DYNC1I1: variants seen among roughly 807,000 people sequenced by gnomAD.
DYNC1I1 encodes the protein cytoplasmic dynein 1 intermediate chain 1.
DYNC1I1 carries 43 observed loss-of-function variants against 86.6 expected under a neutral mutation model. That is an observed-to-expected ratio of 0.50 (90% confidence interval 0.39 to 0.64). The LOEUF is 0.64. DYNC1I1 is among the 30% of genes least tolerant of loss of function. The probability of loss-of-function intolerance (pLI) is 0.00; values close to 1 mark genes in which losing one functional copy is unlikely to be tolerated. For synonymous variants in DYNC1I1, 262 were observed against 283.7 expected, an observed-to-expected ratio of 0.92 and a Z score of 0.77; for missense variants, 604 against 788.8, an observed-to-expected ratio of 0.77 and a Z score of 2.81.
rs1794872134 is a variant in DYNC1I1 at position 95,813,307 on chromosome 7, A to G, written c.284A>G (p.Gln95Arg). Residue 95 changes from glutamine to arginine, a missense_variant, in exon 4 of 17, where the codon CAA (glutamine) becomes CGA (arginine). Gln to Arg is a conservative substitution (Grantham distance 43). Transcript: ENST00000447467. ...AGCACTCCCAGTGAAGCTGGAAGCC[A>G]AGACTCAGGCGATCTGGGGCCATTA... ...SVSTPSEAGS[Q>R]DSGDLGPLTR... 4.3e-6 allele frequency: 7 copies of G among 1,612,982 alleles called. No individual in the cohort carries two copies. Among genetic ancestry groups the G allele is most frequent in the Non-Finnish European group, 5.9e-6 (7 of 1,179,476 alleles).
At chr7:95,986,639 G>A (rs935158610) in intron 8 of DYNC1I1, among the ~76,000 whole-genome samples, 3 of 151,980 alleles carry the variant, frequency 2.0e-5, no homozygotes, top group East Asian at 1.9e-4. Context: ...TATCATTTCC[G>A]GTCTAAGGAC....
intron 11 of DYNC1I1, 76 bp from the exon 12 acceptor site, chr7:96,032,591 G>T (rs1039603583): frequency 1.1e-5 from 12 of 1,110,734 alleles, no homozygotes; most frequent in Non-Finnish European, 1.4e-6. Context: ...TTGTTTTAGA[G>T]TAATGTGTTT....
chr7:95,799,572 A>AG (rs1166616611), intron 1 of DYNC1I1, among the ~76,000 whole-genome samples: 1 of 152,160 alleles, frequency 6.6e-6, no homozygotes, highest in African/African-American at 2.4e-5. Flanking sequence ...TATGTTCAGA[A>AG]GAAAAAATTG....
At chr7:95,816,826 T>C (rs541248380) in intron 4 of DYNC1I1, among the ~76,000 whole-genome samples, 12 of 152,228 alleles carry the variant, frequency 7.9e-5, no homozygotes, top group Non-Finnish European at 1.5e-4. Flanking sequence ...CATTGCAATA[T>C]GTACTTAAAT....
intron 5 of DYNC1I1, among the ~76,000 whole-genome samples, chr7:95,853,439 A>G (rs1004423134): frequency 6.6e-6 from 1 of 152,174 alleles, no homozygotes; most frequent in African/African-American, 2.4e-5. Flanking sequence ...TTGATCCTCA[A>G]TCTTAGACAT....
At chr7:95,788,022 G>C (rs1156939559) in intron 1 of DYNC1I1, among the ~76,000 whole-genome samples, 1 of 152,110 alleles carries the variant, frequency 6.6e-6, no homozygotes, top group Non-Finnish European at 1.5e-5. Context: ...AGAATGTCTG[G>C]GGATGAGATC....
At chr7:95,947,339 A>G (rs766027023) in intron 6 of DYNC1I1, among the ~76,000 whole-genome samples, 19 of 152,260 alleles carry the variant, frequency 1.2e-4, no homozygotes, top group Middle Eastern at 3.4e-3. Context: ...TTTGACAGCA[A>G]TGTGCCTTTT....
chr7:95,883,626 T>C (rs577181458), intron 6 of DYNC1I1, among the ~76,000 whole-genome samples: 1 of 152,352 alleles, frequency 6.6e-6, no homozygotes, highest in South Asian at 2.1e-4. Context: ...AATATGTTTG[T>C]TGAAGCTGTG....
At chr7:95,928,918 A>G (rs1373578153) in intron 6 of DYNC1I1, among the ~76,000 whole-genome samples, 3 of 152,168 alleles carry the variant, frequency 2.0e-5, no homozygotes, top group Non-Finnish European at 4.4e-5. Flanking sequence ...GAGTATTACT[A>G]TGTGAGCCTG....
intron 1 of DYNC1I1, among the ~76,000 whole-genome samples, chr7:95,800,169 AG>A (rs1794544078): frequency 6.6e-6 from 1 of 151,648 alleles, no homozygotes; most frequent in Admixed American, 6.6e-5. Flanking sequence ...CAGAGGATAA[AG>A]GGTAAATCAA....
chr7:95,775,501 C>CA (rs1202232326), intron 1 of DYNC1I1, among the ~76,000 whole-genome samples: 5 of 152,088 alleles, frequency 3.3e-5, no homozygotes, highest in African/African-American at 9.7e-5. Flanking sequence ...GTGTGAGAGA[C>CA]AAAAAAGCGA....
intron 16 of DYNC1I1, among the ~76,000 whole-genome samples, chr7:96,081,073 AAAAAGAAAAAG>A (rs1790504780): frequency 8.2e-6 from 1 of 122,420 alleles, no homozygotes; most frequent in Admixed American, 8.0e-5. Flanking sequence ...ATCTCAAAAA[AAAAAGAAAAAG>A]AAAAGAAAAG....
At chr7:95,778,419 G>T (rs1447346094) in intron 1 of DYNC1I1, among the ~76,000 whole-genome samples, 1 of 152,174 alleles carries the variant, frequency 6.6e-6, no homozygotes, top group Non-Finnish European at 1.5e-5. Context: ...ATCTAGCACA[G>T]GTGCTGTGTG....
At chr7:96,000,216 A>T (rs574485287) in intron 10 of DYNC1I1, among the ~76,000 whole-genome samples, 1 of 152,330 alleles carries the variant, frequency 6.6e-6, no homozygotes, top group Admixed American at 6.5e-5. Flanking sequence ...CTGGGATTCA[A>T]AATGAAAGCA....
At chr7:96,100,321 TCCTC>T (rs1168708519), downstream of DYNC1I1, among the ~76,000 whole-genome samples, 1 of 151,718 alleles carries the variant, frequency 6.6e-6, no homozygotes, top group African/African-American at 2.4e-5. Context: ...CTTCCTCCCT[TCCTC>T]CCTCCCTCCC....
chr7:95,992,789 A>G (rs1793764065), intron 9 of DYNC1I1, among the ~76,000 whole-genome samples: 1 of 151,950 alleles, frequency 6.6e-6, no homozygotes, highest in South Asian at 2.1e-4. Flanking sequence ...TAATTTTTGT[A>G]TTTTTAGTAG....
chr7:95,968,595 C>G (rs1049063448), intron 6 of DYNC1I1, among the ~76,000 whole-genome samples: 1 of 152,200 alleles, frequency 6.6e-6, no homozygotes, highest in African/African-American at 2.4e-5. Context: ...CATGACATCT[C>G]TATCTCTGTG....
At chr7:96,039,793 G>T (rs1159551292) in intron 14 of DYNC1I1, among the ~76,000 whole-genome samples, 8 of 151,824 alleles carry the variant, frequency 5.3e-5, no homozygotes, top group Non-Finnish European at 2.9e-5. Flanking sequence ...GGAGCTTGGT[G>T]GTATCTACTT....
At chr7:95,942,722 G>C (rs561169175) in intron 6 of DYNC1I1, among the ~76,000 whole-genome samples, 1 of 147,494 alleles carries the variant, frequency 6.8e-6, no homozygotes. Flanking sequence ...TTCAATATAC[G>C]CAAATCAATA....
Sources: allele counts gnomAD v4.1 joint callset (sites outside exome capture counted in the v4.1 genomes callset), GRCh38; gene constraint gnomAD v4.1.1; transcripts MANE v1.5; gene names NCBI Gene and HGNC (gene_info 2026-07-23, HGNC 2026-07-21).